MUC7: variants seen among roughly 807,000 people sequenced by gnomAD.
MUC7 encodes the protein mucin 7, secreted.
MUC7 carries 2 observed loss-of-function variants against 2.5 expected under a neutral mutation model. The ratio of observed to expected loss-of-function variants is 0.81; its 90% CI spans 0.33 to 2.55. The LOEUF (loss-of-function observed/expected upper bound fraction) is 2.55. Among genes scored for constraint, MUC7 ranks in the 30% most tolerant of loss-of-function variants. MUC7 has a pLI of 0.11. For missense variants in MUC7, 408 were observed against 455.6 expected (o/e 0.90, Z 0.95); for synonymous variants, 133 against 173.4 (o/e 0.77, Z 1.83).
At chr4:70,436,866 C>T (rs745312865) in intron 1 of MUC7, among the ~76,000 whole-genome samples, 2 of 152,122 alleles carry the variant, frequency 1.3e-5, no homozygotes, top group Non-Finnish European at 2.9e-5. Context: ...TGTTGATGAC[C>T]TACAGATGGG....
intron 2 of MUC7, among the ~76,000 whole-genome samples, chr4:70,475,375 A>G (rs1734966876): frequency 6.6e-6 from 1 of 152,196 alleles, no homozygotes; most frequent in African/African-American, 2.4e-5. Context: ...GATATCAAGA[A>G]AACAGTGGAT....
intron 1 of MUC7, among the ~76,000 whole-genome samples, chr4:70,441,242 G>A (rs1733997603): frequency 6.6e-6 from 1 of 152,034 alleles, no homozygotes; most frequent in African/African-American, 2.4e-5. Flanking sequence ...CAACATTCTT[G>A]TTTAAGAACT....
chr4:70,440,572 G>A (rs72852797), intron 1 of MUC7, among the ~76,000 whole-genome samples: 5,331 of 152,118 alleles, frequency 0.035, 303 homozygotes, highest in African/African-American at 0.12. Flanking sequence ...ATAATAATAT[G>A]TTCCAAAATA....
intron 1 of MUC7, among the ~76,000 whole-genome samples, chr4:70,440,377 T>G (rs1446944586): frequency 4.6e-5 from 7 of 152,200 alleles, no homozygotes; most frequent in Non-Finnish European, 8.8e-5. Flanking sequence ...TCATTATCAA[T>G]GCTCAACTTA....
Position 70,475,327 on chromosome 4 carries a change from A to C in MUC7, c.54+1252A>C, listed in dbSNP as rs1043431112. On this transcript the variant is annotated intron_variant, in intron 2 of 2. Coordinates refer to ENST00000304887, the MANE Select transcript of MUC7 (RefSeq NM_152291.3). Reference sequence around the variant, plus strand: ...GAACAAAAACGTTCTAGTTTGGGGCATGTTACATTTGAAATGGCTATTAGA... The same window carrying C: ...GAACAAAAACGTTCTAGTTTGGGGCCTGTTACATTTGAAATGGCTATTAGA... Among the ~76,000 whole-genome samples the C allele has an allele frequency of 3.4e-4, 52 of 152,168 alleles. 1 individual carries two copies. The highest frequency in any genetic ancestry group is 1.2e-3 in the African/African-American group (48 of 41,448).
chr4:70,445,697 C>A (rs542248718), intron 1 of MUC7, among the ~76,000 whole-genome samples: 17 of 152,204 alleles, frequency 1.1e-4, no homozygotes, highest in African/African-American at 3.6e-4. Flanking sequence ...AGTAAGACAA[C>A]AATGCTTCCA....
intron 1 of MUC7, among the ~76,000 whole-genome samples, chr4:70,466,676 G>A (rs1734692738): frequency 6.6e-6 from 1 of 152,000 alleles, no homozygotes; most frequent in African/African-American, 2.4e-5. Context: ...ATTACATAAT[G>A]GTAAAGGGAT....
At chr4:70,438,497 A>C (rs780904852) in intron 1 of MUC7, among the ~76,000 whole-genome samples, 1 of 151,976 alleles carries the variant, frequency 6.6e-6, no homozygotes. Context: ...TCACTCTGTC[A>C]CCAGGTTGGA....
chr4:70,451,433 TTA>T (rs1734277618), intron 1 of MUC7, among the ~76,000 whole-genome samples: 1 of 152,216 alleles, frequency 6.6e-6, no homozygotes, highest in African/African-American at 2.4e-5. Flanking sequence ...TTTTCGGTTC[TTA>T]TGAAGGTGTT....
chr4:70,475,480 G>T (rs1212423614), intron 2 of MUC7, among the ~76,000 whole-genome samples: 2 of 152,062 alleles, frequency 1.3e-5, no homozygotes, highest in Non-Finnish European at 2.9e-5. Flanking sequence ...TTCACCTAGG[G>T]AGAAAATGTA....
At chr4:70,438,479 A>T (rs1012609411) in intron 1 of MUC7, among the ~76,000 whole-genome samples, 1 of 147,028 alleles carries the variant, frequency 6.8e-6, no homozygotes, top group African/African-American at 2.7e-5. Context: ...TGGTTTTGAG[A>T]CAGAGTCTCA....
chr4:70,470,661 T>C (rs1259274532), upstream of MUC7, among the ~76,000 whole-genome samples: 2 of 152,192 alleles, frequency 1.3e-5, no homozygotes, highest in South Asian at 2.1e-4. Context: ...AATTTTTCTA[T>C]TGAAGTCATG....
At chr4:70,460,083 GTC>G (rs377155367) in intron 1 of MUC7, among the ~76,000 whole-genome samples, 192 of 152,096 alleles carry the variant, frequency 1.3e-3, no homozygotes, top group African/African-American at 4.4e-3. Context: ...TGGTAACTAT[GTC>G]TCTGTCACGA....
chr4:70,457,298 T>C (rs1233631606), intron 1 of MUC7, among the ~76,000 whole-genome samples: 1 of 152,082 alleles, frequency 6.6e-6, no homozygotes, highest in Non-Finnish European at 1.5e-5. Flanking sequence ...TTTTTTAAAT[T>C]AGCCAGGTGT....
intron 2 of MUC7, among the ~76,000 whole-genome samples, chr4:70,478,924 G>C (rs1735088581): frequency 6.6e-6 from 1 of 152,200 alleles, no homozygotes; most frequent in Admixed American, 6.5e-5. Context: ...AAAGTCATGT[G>C]AGTATCAGAA....
chr4:70,475,370 C>A (rs1734966604), intron 2 of MUC7, among the ~76,000 whole-genome samples: 1 of 152,090 alleles, frequency 6.6e-6, no homozygotes, highest in Admixed American at 6.5e-5. Flanking sequence ...ATCAAGATAT[C>A]AAGAAAACAG....
Position 70,472,297 on chromosome 4 carries a change from T to C in MUC7, c.-16+6T>C, listed in dbSNP as rs1186601502. On this transcript the variant is annotated splice_donor_region_variant and intron_variant, in intron 1 of 2. Coordinates refer to ENST00000304887, the MANE Select transcript of MUC7 (RefSeq NM_152291.3). ...AAAGATTCACACTGCACCAGGTATG[T>C]GGATACTTTAGATAGGTTCTAATAT... 1 of 152,208 alleles carries C rather than the reference T, an allele frequency of 6.6e-6. No individual in the cohort carries two copies. The highest frequency in any genetic ancestry group is 1.5e-5 in the Non-Finnish European group (1 of 68,032). 9.4% of individuals were successfully genotyped at this position (152,208 alleles called of 1,614,324 possible). A position where few individuals can be genotyped will look rare whatever the true frequency, so the allele number is the denominator to read the frequency against.
chr4:70,431,120 GA>G (rs1209853430), intron 1 of MUC7, among the ~76,000 whole-genome samples: 1 of 151,584 alleles, frequency 6.6e-6, no homozygotes, highest in African/African-American at 2.4e-5. Flanking sequence ...CAAATAAGAA[GA>G]AAAAAAGACC....
At chr4:70,449,552 C>A (rs1734228351) in intron 1 of MUC7, among the ~76,000 whole-genome samples, 2 of 152,118 alleles carry the variant, frequency 1.3e-5, no homozygotes, top group South Asian at 2.1e-4. Flanking sequence ...ACAGCCAAAC[C>A]ATATCATCTT....
Sources: gnomAD v4.1 joint callset for allele counts (sites outside exome capture counted in the v4.1 genomes callset) on GRCh38, gnomAD v4.1.1 for gene constraint, MANE v1.5 for transcripts, NCBI Gene and HGNC (gene_info 2026-07-23, HGNC 2026-07-21) for gene names.